The following ARHGAP24 variants were observed in gnomAD, a reference collection of about 807,000 sequenced individuals.
ARHGAP24 encodes rho GTPase-activating protein 24.
Under a neutral mutation model 76.4 loss-of-function variants are expected in ARHGAP24, and 50 were observed. The ratio of observed to expected loss-of-function variants is 0.65; its 90% CI spans 0.52 to 0.83. ARHGAP24 has a LOEUF of 0.83. ARHGAP24 is among the 40% of genes least tolerant of loss of function. The pLI is 0.00. For synonymous variants in ARHGAP24, 345 were observed against 323.3 expected (o/e 1.07, Z -0.72); for missense variants, 930 against 914.2 (o/e 1.02, Z -0.22).
intron 3 of ARHGAP24, among the ~76,000 whole-genome samples, chr4:85,827,461 CGTGTGTGT>C (rs56379272): frequency 0.04 from 4,310 of 108,668 alleles, 90 homozygotes; most frequent in African/African-American, 0.069. Context: ...GAAGTCTGCC[CGTGTGTGT>C]GTGTGTGTGT....
intron 2 of ARHGAP24, among the ~76,000 whole-genome samples, chr4:85,667,554 C>T (rs1484121560): frequency 6.6e-6 from 1 of 152,202 alleles, no homozygotes; most frequent in African/African-American, 2.4e-5. Flanking sequence ...AACCCCGTAC[C>T]TCAGATGGAA....
At chr4:85,688,511 C>A (rs1322862269) in intron 2 of ARHGAP24, among the ~76,000 whole-genome samples, 1 of 152,006 alleles carries the variant, frequency 6.6e-6, no homozygotes, top group African/African-American at 2.4e-5. Context: ...CTATTTTCTC[C>A]CGTTCAGTAG....
chr4:85,727,561 A>T (rs1725217143), intron 3 of ARHGAP24, among the ~76,000 whole-genome samples: 1 of 152,152 alleles, frequency 6.6e-6, no homozygotes, highest in Non-Finnish European at 1.5e-5. Flanking sequence ...GATTCTACGG[A>T]TGGAGTGCTT....
intron 3 of ARHGAP24, among the ~76,000 whole-genome samples, chr4:85,815,785 C>A (rs1729211520): frequency 1.3e-5 from 2 of 152,334 alleles, no homozygotes; most frequent in South Asian, 4.1e-4. Flanking sequence ...ACACCCCACT[C>A]TACTGTTACC....
intron 2 of ARHGAP24, among the ~76,000 whole-genome samples, chr4:85,630,579 T>G (rs982722262): frequency 4.6e-5 from 7 of 152,026 alleles, no homozygotes; most frequent in Non-Finnish European, 8.8e-5. Context: ...ACAGCTGGAG[T>G]CTTCAAATGG....
At chr4:85,496,844 T>A (rs186343200) in intron 1 of ARHGAP24, among the ~76,000 whole-genome samples, 14 of 152,282 alleles carry the variant, frequency 9.2e-5, no homozygotes, top group Non-Finnish European at 1.8e-4. Flanking sequence ...TGTGTTTTGG[T>A]GAAAGTCTAT....
intron 3 of ARHGAP24, among the ~76,000 whole-genome samples, chr4:85,729,536 T>G (rs1452490279): frequency 6.6e-6 from 1 of 152,184 alleles, no homozygotes; most frequent in African/African-American, 2.4e-5. Context: ...GATCCTCCTG[T>G]GAAGTGTCCC....
chr4:85,642,391 A>G (rs145381836), intron 2 of ARHGAP24, among the ~76,000 whole-genome samples: 2 of 152,230 alleles, frequency 1.3e-5, no homozygotes, highest in Non-Finnish European at 2.9e-5. Context: ...AGACTTCTAG[A>G]CTTGTTCAAC....
intron 3 of ARHGAP24, among the ~76,000 whole-genome samples, chr4:85,841,004 A>C (rs1291252156): frequency 6.6e-6 from 1 of 152,216 alleles, no homozygotes; most frequent in Non-Finnish European, 1.5e-5. Context: ...AGGCACCATA[A>C]TACCTGTTAG....
At chr4:85,802,752 T>A (rs1179675585) in intron 3 of ARHGAP24, among the ~76,000 whole-genome samples, 5 of 151,966 alleles carry the variant, frequency 3.3e-5, no homozygotes, top group Non-Finnish European at 1.5e-5. Flanking sequence ...GACCGCACCA[T>A]TGCACTCCAA....
At chr4:85,555,791 G>C (rs1024858679) in intron 1 of ARHGAP24, among the ~76,000 whole-genome samples, 2 of 152,222 alleles carry the variant, frequency 1.3e-5, no homozygotes, top group Non-Finnish European at 2.9e-5. Context: ...GGGGCTATCA[G>C]CCTGGGGTGG....
chr4:85,642,093 A>G (rs764013820), intron 2 of ARHGAP24, among the ~76,000 whole-genome samples: 4 of 152,118 alleles, frequency 2.6e-5, no homozygotes, highest in Non-Finnish European at 4.4e-5. Context: ...CTTGTGACCT[A>G]CAATCAGACA....
Position 85,894,246 on chromosome 4 carries a change from A to T in ARHGAP24, c.269-29402A>T, listed in dbSNP as rs147737683. On this transcript the variant is annotated intron_variant, in intron 3 of 9. Coordinates refer to ENST00000395184, the MANE Select transcript of ARHGAP24 (RefSeq NM_001025616.3). ...AAAGAGAGAAGAGAGGGAGATGTCAAATTAGGAACCTTCACACCAGGGTTA... is the reference window on the plus strand; with the variant it reads ...AAAGAGAGAAGAGAGGGAGATGTCATATTAGGAACCTTCACACCAGGGTTA... Among the ~76,000 whole-genome samples the T allele has an allele frequency of 5.0e-3, 755 of 152,224 alleles. 7 individuals carry two copies. Among genetic ancestry groups the T allele is most frequent in the African/African-American group, 0.017 (722 of 41,530 alleles).
chr4:85,941,873 G>A (rs913462127), intron 4 of ARHGAP24, among the ~76,000 whole-genome samples, 193 bp from the exon 5 acceptor site: 1 of 152,128 alleles, frequency 6.6e-6, no homozygotes, highest in Non-Finnish European at 1.5e-5. Flanking sequence ...GAAACAGGCA[G>A]CATAAGGTAA....
At chr4:85,884,043 C>T (rs1321864667) in intron 3 of ARHGAP24, among the ~76,000 whole-genome samples, 1 of 152,112 alleles carries the variant, frequency 6.6e-6, no homozygotes, top group Non-Finnish European at 1.5e-5. Context: ...TCTGGTCTCA[C>T]AAAAAGTAAA....
chr4:85,614,283 C>T (rs768021378), intron 2 of ARHGAP24, among the ~76,000 whole-genome samples: 13 of 152,092 alleles, frequency 8.5e-5, no homozygotes, highest in Non-Finnish European at 1.0e-4. Flanking sequence ...AGTTGTATGA[C>T]ATTGGGCATC....
intron 2 of ARHGAP24, among the ~76,000 whole-genome samples, chr4:85,692,850 C>T (rs1389852746): frequency 6.6e-6 from 1 of 152,176 alleles, no homozygotes; most frequent in Non-Finnish European, 1.5e-5. Flanking sequence ...CTAGTGGAAT[C>T]ATTTGGAAGT....
At chr4:85,964,430 T>C (rs1229212406) in intron 5 of ARHGAP24, among the ~76,000 whole-genome samples, 1 of 152,104 alleles carries the variant, frequency 6.6e-6, no homozygotes, top group Non-Finnish European at 1.5e-5. Flanking sequence ...CAGTGATAGA[T>C]ATTATGTAGT....
intron 3 of ARHGAP24, among the ~76,000 whole-genome samples, chr4:85,754,388 A>G (rs561049992): frequency 5.3e-5 from 8 of 152,336 alleles, no homozygotes; most frequent in Middle Eastern, 3.4e-3. Context: ...TGCAGTAAAC[A>G]TGGAAGTGCA....
Sources: gnomAD v4.1 joint callset for allele counts (sites outside exome capture counted in the v4.1 genomes callset) on GRCh38, gnomAD v4.1.1 for gene constraint, MANE v1.5 for transcripts, NCBI Gene and HGNC (gene_info 2026-07-23, HGNC 2026-07-21) for gene names.